Variants in DCDC1 observed in about 807,000 individuals in gnomAD.
DCDC1 encodes the protein doublecortin domain containing 1, also known as doublecortin domain-containing protein 1.
Under a neutral mutation model 178.3 loss-of-function variants are expected in DCDC1, and 200 were observed. The observed-to-expected ratio is 1.12, with a 90% CI of 1.00 to 1.26. The LOEUF (loss-of-function observed/expected upper bound fraction) is 1.26, where lower values mean the gene tolerates loss of function less well. Among genes scored for constraint, DCDC1 ranks in the 50% most tolerant of loss-of-function variants. The probability of loss-of-function intolerance (pLI) is 0.00; values close to 1 mark genes in which losing one functional copy is unlikely to be tolerated. For synonymous variants in DCDC1, 690 were observed against 604.8 expected (o/e 1.14, Z -2.07); for missense variants, 1,983 against 1,749.2 (o/e 1.13, Z -2.38).
At chr11:31,130,069 T>C (rs551285389) in intron 10 of DCDC1, among the ~76,000 whole-genome samples, 7 of 152,264 alleles carry the variant, frequency 4.6e-5, no homozygotes, top group Admixed American at 2.6e-4. Context: ...GAAAAGTTAA[T>C]TTGCCAAGGA....
At chr11:31,109,057 G>C (rs1021159106) in intron 12 of DCDC1, among the ~76,000 whole-genome samples, 7 of 151,882 alleles carry the variant, frequency 4.6e-5, no homozygotes, top group Admixed American at 1.3e-4. Flanking sequence ...CAGAAGCACA[G>C]CACAGCTCAA....
intron 38 of DCDC1, among the ~76,000 whole-genome samples, chr11:30,870,233 T>C (rs575784208): frequency 1.7e-4 from 26 of 152,292 alleles, no homozygotes; most frequent in Non-Finnish European, 3.1e-4. Flanking sequence ...CCTGTATTGC[T>C]GGTGAAAACT....
chr11:31,282,124 T>C (rs1946483174), intron 7 of DCDC1, among the ~76,000 whole-genome samples: 1 of 152,188 alleles, frequency 6.6e-6, no homozygotes, highest in Non-Finnish European at 1.5e-5. Context: ...TTCTCTATTT[T>C]CTAAAAGGTT....
At chr11:31,305,464 T>G in intron 6 of DCDC1, 151 bp downstream of exon 6, 1 of 996,644 alleles carries the variant, frequency 1.0e-6, no homozygotes, top group South Asian at 2.1e-5. Flanking sequence ...TTTCTTTCAT[T>G]AAGCACATTA....
intron 9 of DCDC1, among the ~76,000 whole-genome samples, chr11:31,213,115 CT>C (rs1418170220): frequency 1.5e-4 from 10 of 68,204 alleles, no homozygotes; most frequent in African/African-American, 3.2e-4. Context: ...CTCTCTCTCT[CT>C]CTCTCTCTCT....
chr11:31,201,404 G>T (rs1404635165), intron 9 of DCDC1, among the ~76,000 whole-genome samples: 4 of 151,674 alleles, frequency 2.6e-5, no homozygotes, highest in Admixed American at 2.6e-4. Context: ...CTAAAATATA[G>T]CTTGAATATT....
At chr11:31,155,508 A>T (rs1371670649) in intron 9 of DCDC1, among the ~76,000 whole-genome samples, 1 of 152,244 alleles carries the variant, frequency 6.6e-6, no homozygotes, top group African/African-American at 2.4e-5. Context: ...TTTTTATGTC[A>T]CATGTACAGA....
At chr11:31,328,581 A>G (rs1211765686) in intron 2 of DCDC1, among the ~76,000 whole-genome samples, 3 of 152,120 alleles carry the variant, frequency 2.0e-5, no homozygotes, top group Non-Finnish European at 2.9e-5. Flanking sequence ...GGCGGATCAC[A>G]AGGTCAGGAG....
At position 31,328,204 on chromosome 11, in the gene DCDC1, T is replaced by G; in HGVS notation, c.77A>C (p.Glu26Ala). 3 of 1,612,650 alleles carry G rather than the reference T, an allele frequency of 1.9e-6. No homozygotes were observed. Among genetic ancestry groups the G allele is most frequent in the Non-Finnish European group, 1.7e-6 (2 of 1,179,018 alleles). The change falls in exon 3 of 39, where the codon GAA (glutamate) becomes GCA (alanine). Residue 26 changes from glutamate to alanine, a missense_variant. Glu to Ala is a moderately radical substitution (Grantham distance 107). Coordinates refer to ENST00000684477, the MANE Select transcript of DCDC1 (RefSeq NM_001387274.1). ...TTCAGGGCTACTTTGCTGTAATACTTCCATTGCTTCAGTCAAGAGGGATAA... is the reference window on the plus strand; with the variant it reads ...TTCAGGGCTACTTTGCTGTAATACTGCCATTGCTTCAGTCAAGAGGGATAA... The part of the protein sequence containing the change: ...SSLSLLTEAM[E>A]VLQQSSPEGT...
chr11:31,251,960 A>G (rs924541227), intron 8 of DCDC1, among the ~76,000 whole-genome samples: 2 of 152,182 alleles, frequency 1.3e-5, no homozygotes, highest in Non-Finnish European at 2.9e-5. Context: ...CCAAATCATG[A>G]AGGCCATTCA....
At chr11:30,891,472 C>G (rs932231707) in intron 36 of DCDC1, among the ~76,000 whole-genome samples, 1 of 152,144 alleles carries the variant, frequency 6.6e-6, no homozygotes, top group Non-Finnish European at 1.5e-5. Context: ...CCCCCATTGT[C>G]TCAGCTCTAC....
chr11:30,920,837 GT>G lies in DCDC1; in HGVS notation c.3231del (p.Glu1077AspfsTer12). The G allele has an allele frequency of 6.2e-7, 1 of 1,613,622 alleles. No homozygotes were observed. Among genetic ancestry groups the G allele is most frequent in the Non-Finnish European group, 8.5e-7 (1 of 1,179,750 alleles). Reference sequence around the variant, plus strand: ...TCTTCTTGCATTTGCTTTTCTTCCGGTTCTGTAACTTGCTTCTCTTCTCCAA... The same window carrying G: ...TCTTCTTGCATTTGCTTTTCTTCCGGTCTGTAACTTGCTTCTCTTCTCCAA... Reference protein sequence around the residue: ...AIFGEEKQVTEPEEKQMQEDP... With the variant: ...AIFGEEKQVTXPEEKQMQEDP... On this transcript the variant is annotated frameshift_variant, in exon 25 of 39. Coordinates refer to ENST00000684477, the MANE Select transcript of DCDC1 (RefSeq NM_001387274.1). LOFTEE classifies it high-confidence loss of function.
chr11:31,254,009 C>T (rs1039043294), intron 8 of DCDC1, among the ~76,000 whole-genome samples: 15 of 152,106 alleles, frequency 9.9e-5, no homozygotes, highest in African/African-American at 3.6e-4. Flanking sequence ...TGCAGTCAAC[C>T]CACACCAACA....
intron 20 of DCDC1, among the ~76,000 whole-genome samples, chr11:30,978,911 T>C (rs1309361154): frequency 6.6e-6 from 1 of 152,092 alleles, no homozygotes; most frequent in Non-Finnish European, 1.5e-5. Flanking sequence ...TGGATAAGAA[T>C]ATGCAATGTC....
chr11:31,316,052 CATT>C (rs1949095571), intron 3 of DCDC1, among the ~76,000 whole-genome samples: 2 of 93,418 alleles, frequency 2.1e-5, no homozygotes, highest in South Asian at 3.2e-4. Context: ...ATCCATCTAT[CATT>C]GTTGGACATT....
intron 9 of DCDC1, among the ~76,000 whole-genome samples, chr11:31,152,371 G>C (rs376525156): frequency 1.3e-5 from 2 of 152,162 alleles, no homozygotes; most frequent in African/African-American, 4.8e-5. Context: ...TTCAAAAAAA[G>C]AAAAGAGTGA....
At chr11:31,041,749 A>G (rs911643461) in intron 20 of DCDC1, among the ~76,000 whole-genome samples, 27 of 152,208 alleles carry the variant, frequency 1.8e-4, no homozygotes, top group African/African-American at 5.8e-4. Context: ...GATTTTGTCA[A>G]GGGTAGAATT....
In DCDC1 at chr11:31,265,604, T is replaced by C. The variant is rs767392765; in HGVS notation, c.961-4A>G. 2 of 1,338,254 alleles carry C rather than the reference T, an allele frequency of 1.5e-6. No homozygotes were observed. The highest frequency in any genetic ancestry group is 1.9e-6 in the Non-Finnish European group (2 of 1,027,006). 82.9% of individuals were successfully genotyped at this position (1,338,254 alleles called of 1,614,324 possible). On this transcript the variant is annotated splice_region_variant and splice_polypyrimidine_tract_variant and intron_variant, in intron 7 of 38. Transcript: ENST00000684477. ...TTATTGTACAAGTATCTAAAACCTG[T>C]GCAGGAAAAAAAAATTATAAATAAT...
intron 20 of DCDC1, among the ~76,000 whole-genome samples, chr11:31,022,744 G>A (rs778735134): frequency 2.7e-5 from 4 of 149,004 alleles, no homozygotes; most frequent in Non-Finnish European, 4.5e-5. Context: ...AATTATTCGT[G>A]TGTGTGTGTG....
Sources: gnomAD v4.1 joint callset for allele counts (sites outside exome capture counted in the v4.1 genomes callset) on GRCh38, gnomAD v4.1.1 for gene constraint, MANE v1.5 for transcripts, NCBI Gene and HGNC (gene_info 2026-07-23, HGNC 2026-07-21) for gene names.